The following DDC variants were observed in gnomAD, a reference collection of about 807,000 sequenced individuals.
The protein encoded by DDC is dopa decarboxylase, also known as aromatic-L-amino-acid decarboxylase.
A neutral mutation model predicts 60.0 loss-of-function variants in DDC; 43 were observed. The observed-to-expected ratio is 0.72, with a 90% CI of 0.56 to 0.92. DDC has a LOEUF of 0.92. Ranked by LOEUF, DDC falls within the 40% of genes least tolerant of loss-of-function variation. DDC has a pLI of 0.00. For synonymous variants in DDC, 232 were observed against 234.6 expected (o/e 0.99, Z 0.10); for missense variants, 573 against 620.2 (o/e 0.92, Z 0.81).
chr7:50,557,294 T>C (rs1176800585), intron 1 of DDC, among the ~76,000 whole-genome samples: 1 of 152,206 alleles, frequency 6.6e-6, no homozygotes, highest in Non-Finnish European at 1.5e-5. Context: ...ATAGAGAAGT[T>C]TGTCTTGGTT....
At chr7:50,558,085 C>G (rs958476492) in intron 1 of DDC, among the ~76,000 whole-genome samples, 4 of 145,402 alleles carry the variant, frequency 2.8e-5, no homozygotes, top group Non-Finnish European at 6.1e-5. Context: ...TCACCCCCCC[C>G]CTTACAAATT....
At chr7:50,546,667 T>C (rs954705811) in intron 1 of DDC, among the ~76,000 whole-genome samples, 3 of 152,260 alleles carry the variant, frequency 2.0e-5, no homozygotes, top group African/African-American at 4.8e-5. Context: ...TTTACTTCCA[T>C]GTTCTCTGTT....
At chr7:50,558,564 C>T (rs2045256614) in intron 1 of DDC, among the ~76,000 whole-genome samples, 1 of 152,202 alleles carries the variant, frequency 6.6e-6, no homozygotes. Flanking sequence ...TGCTCAAGCT[C>T]CTGATAAGCT....
intron 9 of DDC, among the ~76,000 whole-genome samples, chr7:50,488,364 G>A (rs2042929597): frequency 6.6e-6 from 1 of 151,692 alleles, no homozygotes; most frequent in South Asian, 2.1e-4. Context: ...TTACTTAAAG[G>A]TCGTTTCTAA....
At chr7:50,470,883 C>A (rs1222664260) in intron 11 of DDC, among the ~76,000 whole-genome samples, 1 of 152,192 alleles carries the variant, frequency 6.6e-6, no homozygotes, top group African/African-American at 2.4e-5. Flanking sequence ...GTGAGCATAG[C>A]AGCACTGTGT....
At chr7:50,476,681 TAGAC>T in intron 10 of DDC, 38 bp from the exon 11 acceptor site, 8 of 1,589,610 alleles carry the variant, frequency 5.0e-6, no homozygotes, top group Non-Finnish European at 6.9e-6. Context: ...AAGAAATCGT[TAGAC>T]AGGTTTGTTG....
rs1407516244 is a variant in DDC, at chr7:50,554,316, AG to A, written c.-28-10204del. 3.9e-5 allele frequency among the ~76,000 whole-genome samples: 6 copies of A among 152,252 alleles called. No individual in the cohort carries two copies. In the East Asian group the frequency reaches 1.2e-3, roughly 29 times the overall value. On this transcript the variant is annotated intron_variant, in intron 1 of 14. Coordinates refer to ENST00000444124, the MANE Select transcript of DDC (RefSeq NM_001082971.2). ...TAATAATAGGGCAACTGTGGGGGGC[AG>A]GGGGAGAGGGGAAATATGAGGACTC... is the stretch of plus-strand genomic sequence containing the variant.
At chr7:50,494,850 A>G (rs1188394189) in intron 9 of DDC, among the ~76,000 whole-genome samples, 1 of 151,956 alleles carries the variant, frequency 6.6e-6, no homozygotes, top group Non-Finnish European at 1.5e-5. Context: ...TTTAGTAGAC[A>G]CGGGGTTTTA....
intron 6 of DDC, among the ~76,000 whole-genome samples, chr7:50,522,482 T>C (rs1286084955): frequency 6.6e-6 from 1 of 152,208 alleles, no homozygotes; most frequent in African/African-American, 2.4e-5. Flanking sequence ...AACAACAGTG[T>C]TTGAGATCTG....
intron 6 of DDC, among the ~76,000 whole-genome samples, chr7:50,515,891 A>G (rs2043713727): frequency 6.6e-6 from 1 of 152,236 alleles, no homozygotes; most frequent in Non-Finnish European, 1.5e-5. Flanking sequence ...TCCTACATAT[A>G]TATGTGCCTA....
chr7:50,555,056 A>G (rs2045135106), intron 1 of DDC, among the ~76,000 whole-genome samples: 1 of 151,974 alleles, frequency 6.6e-6, no homozygotes, highest in Non-Finnish European at 1.5e-5. Context: ...TCGGATGGAG[A>G]GATGGGAGAG....
chr7:50,507,248 T>C (rs554745588), intron 6 of DDC, among the ~76,000 whole-genome samples: 8 of 152,346 alleles, frequency 5.3e-5, no homozygotes, highest in African/African-American at 1.9e-4. Context: ...AATAACTTTT[T>C]TTTTTTGAGA....
chr7:50,558,403 C>G (rs1174878896), intron 1 of DDC, among the ~76,000 whole-genome samples: 1 of 152,064 alleles, frequency 6.6e-6, no homozygotes, highest in Admixed American at 6.5e-5. Context: ...TGAATGCTTC[C>G]CTATTCCTCA....
In DDC at chr7:50,495,334, G is replaced by C; in HGVS notation, c.944+16C>G. ...CCTCGGACAGGCAACTGACATCTGTGAGCAGGGAAACTTACCACATGGCAG... is the reference window on the plus strand; with the variant it reads ...CCTCGGACAGGCAACTGACATCTGTCAGCAGGGAAACTTACCACATGGCAG... On this transcript the variant is annotated intron_variant, in intron 9 of 14. Coordinates refer to ENST00000444124, the MANE Select transcript of DDC (RefSeq NM_001082971.2). 1 of 1,602,628 alleles carries C rather than the reference G, an allele frequency of 6.2e-7. No individual in the cohort carries two copies. Among genetic ancestry groups the C allele is most frequent in the Non-Finnish European group, 8.5e-7 (1 of 1,170,096 alleles).
rs202152609 is a variant in DDC at position 50,523,837 on chromosome 7, G to A, written c.714+4300C>T. ...TCCTTGGTATTTACCCAAATGAGTT[G>A]AAAACTTATGTACACACAAAAACCT... On this transcript the variant is annotated intron_variant, in intron 6 of 14. Coordinates refer to ENST00000444124, the MANE Select transcript of DDC (RefSeq NM_001082971.2). Among the ~76,000 whole-genome samples the A allele has an allele frequency of 4.6e-5, 7 of 152,304 alleles. No individual in the cohort carries two copies. In the East Asian group the frequency reaches 1.3e-3, roughly 29 times the overall value.
In DDC at chr7:50,543,990, G is replaced by A. The variant is rs11575290; in HGVS notation, c.96C>T (p.Asp32=). The A allele has an allele frequency of 3.3e-3, 5,256 of 1,614,166 alleles. 31 individuals are homozygous for A. Among genetic ancestry groups the A allele is most frequent in the Middle Eastern group, 0.011 (69 of 6,062 alleles). The change falls in exon 2 of 15, where the codon GAC becomes GAT. Residue 32 remains aspartate (D), a synonymous_variant. Transcript: ENST00000444124. ...GCGGCCGCAGGTACCCGGGCTCCAC[G>A]TCAGGGTAGACCTGGCGTCCCTCAA... ...EGIEGRQVYP[D]VEPGYLRPLI... is the part of the protein sequence containing the mutation.
In DDC at chr7:50,473,573, A is replaced by G. The variant is rs1225429404; in HGVS notation, c.1041+3051T>C. On this transcript the variant is annotated intron_variant, in intron 11 of 14. Coordinates refer to ENST00000444124, the MANE Select transcript of DDC (RefSeq NM_001082971.2). ...CTCTCTAGGAACACAGCAGCACAGAAGGCCAATCACCCCAGAGAGCCTCCC... is the reference window on the plus strand; with the variant it reads ...CTCTCTAGGAACACAGCAGCACAGAGGGCCAATCACCCCAGAGAGCCTCCC... Among the ~76,000 whole-genome samples, 3 of 152,212 alleles carry G rather than the reference A, an allele frequency of 2.0e-5. No homozygotes were observed. In the East Asian group the frequency reaches 5.8e-4, roughly 29 times the overall value.
intron 4 of DDC, among the ~76,000 whole-genome samples, chr7:50,532,302 G>A (rs910051501): frequency 1.3e-5 from 2 of 152,238 alleles, no homozygotes; most frequent in African/African-American, 4.8e-5. Context: ...CTCACAGGAA[G>A]ATTGTGTTAA....
intron 6 of DDC, among the ~76,000 whole-genome samples, chr7:50,511,972 C>G (rs1312958900): frequency 6.6e-6 from 1 of 151,896 alleles, no homozygotes; most frequent in African/African-American, 2.4e-5. Context: ...GTAATGGGTG[C>G]ACCAAAATCT....
Sources: gnomAD v4.1 joint callset for allele counts (sites outside exome capture counted in the v4.1 genomes callset) on GRCh38, gnomAD v4.1.1 for gene constraint, MANE v1.5 for transcripts, NCBI Gene and HGNC (gene_info 2026-07-23, HGNC 2026-07-21) for gene names.